The following PHF24 variants were observed in gnomAD, a reference collection of about 807,000 sequenced individuals.
The protein encoded by PHF24 is Galpha inhibitory interacting protein.
A neutral mutation model predicts 42.6 loss-of-function variants in PHF24; 25 were observed. That is an observed-to-expected ratio of 0.59 (90% confidence interval 0.43 to 0.82). PHF24 has a LOEUF of 0.82. Among genes scored for constraint, PHF24 ranks in the 40% least tolerant of loss-of-function variants. The pLI is 0.00. For synonymous variants in PHF24, 185 were observed against 204.8 expected (o/e 0.90, Z 0.83); for missense variants, 470 against 538.1 (o/e 0.87, Z 1.25).
At chr9:34,821,915 C>A in the PHF24 span, among the ~76,000 whole-genome samples, 3 of 152,134 alleles carry the variant, frequency 2.0e-5, no homozygotes, top group Non-Finnish European at 4.4e-5. Context: ...CTTCAATAAA[C>A]CCATATTAAT....
chr9:34,881,460 C>T, the PHF24 span, among the ~76,000 whole-genome samples: 1 of 152,014 alleles, frequency 6.6e-6, no homozygotes, highest in African/African-American at 2.4e-5. Context: ...TGATATACTG[C>T]TAGCAAGACT....
the PHF24 span, among the ~76,000 whole-genome samples, chr9:34,877,522 G>A: frequency 2.0e-5 from 3 of 152,072 alleles, no homozygotes; most frequent in Admixed American, 6.6e-5. Context: ...TTTCTGTTTG[G>A]TATGATGAAA....
At chr9:34,790,297 G>A in the PHF24 span, among the ~76,000 whole-genome samples, 3 of 152,348 alleles carry the variant, frequency 2.0e-5, no homozygotes, top group East Asian at 5.8e-4. Context: ...AGCATTTCTC[G>A]TGTAAGGTTG....
At chr9:34,976,459 G>A (rs1827188283) in intron 4 of PHF24, 76 bp from the exon 5 acceptor site, 1 of 1,498,466 alleles carries the variant, frequency 6.7e-7, no homozygotes, top group South Asian at 1.2e-5. Flanking sequence ...GGGGCCCCGA[G>A]GGTGCCCTGG....
At chr9:34,938,548 T>A in the PHF24 span, among the ~76,000 whole-genome samples, 3 of 152,156 alleles carry the variant, frequency 2.0e-5, no homozygotes, top group African/African-American at 7.2e-5. Flanking sequence ...AAATCATAGC[T>A]CTGACACTTA....
the PHF24 span, among the ~76,000 whole-genome samples, chr9:34,786,461 C>A: frequency 6.6e-6 from 1 of 152,122 alleles, no homozygotes; most frequent in African/African-American, 2.4e-5. Context: ...AACTAGCTAG[C>A]CATGGGGACT....
At chr9:34,780,759 A>G in the PHF24 span, among the ~76,000 whole-genome samples, 6 of 152,204 alleles carry the variant, frequency 3.9e-5, no homozygotes, top group Non-Finnish European at 7.4e-5. Flanking sequence ...CTCAACTACA[A>G]TGGCAAAATA....
the PHF24 span, among the ~76,000 whole-genome samples, chr9:34,814,384 C>G: frequency 2.0e-5 from 3 of 152,184 alleles, no homozygotes; most frequent in Non-Finnish European, 4.4e-5. Context: ...GTCCATTTCT[C>G]AGCGTTATAT....
At chr9:34,704,126 C>T in the PHF24 span, among the ~76,000 whole-genome samples, 1 of 152,098 alleles carries the variant, frequency 6.6e-6, no homozygotes, top group Non-Finnish European at 1.5e-5. Context: ...CCTAGGCAAT[C>T]AAGTGATCCT....
the PHF24 span, among the ~76,000 whole-genome samples, chr9:34,912,760 A>T: frequency 6.6e-6 from 1 of 152,350 alleles, no homozygotes; most frequent in Non-Finnish European, 1.5e-5. Context: ...GAGGACTTAA[A>T]TAGGCCCGGA....
chr9:34,838,514 G>A, the PHF24 span: 2 of 1,329,502 alleles, frequency 1.5e-6, no homozygotes, highest in Non-Finnish European at 2.1e-6. Flanking sequence ...TCATTAGCAT[G>A]AGATCAGCCA....
At chr9:34,731,157 A>C in the PHF24 span, among the ~76,000 whole-genome samples, 7 of 152,268 alleles carry the variant, frequency 4.6e-5, no homozygotes, top group African/African-American at 9.6e-5. Context: ...ATGGGTACAT[A>C]GTAGGTGTAT....
At chr9:34,765,360 C>T in the PHF24 span, among the ~76,000 whole-genome samples, 773 of 149,486 alleles carry the variant, frequency 5.2e-3, 6 homozygotes, top group African/African-American at 0.018. Context: ...TCACTCAGGA[C>T]TTGCTTTATG....
chr9:34,917,696 G>A, the PHF24 span: 23 of 785,970 alleles, frequency 2.9e-5, no homozygotes, highest in African/African-American at 2.4e-4. Flanking sequence ...CTATGGCAGG[G>A]ACATCGTGGA....
the PHF24 span, chr9:34,889,479 A>G: frequency 2.5e-6 from 1 of 398,452 alleles, no homozygotes; most frequent in Non-Finnish European, 4.4e-6. Context: ...ATCTTTGGTG[A>G]CAGTTGGACT....
At chr9:34,772,398 A>T in the PHF24 span, among the ~76,000 whole-genome samples, 3 of 152,220 alleles carry the variant, frequency 2.0e-5, no homozygotes, top group Non-Finnish European at 2.9e-5. Context: ...TGAGAAGAAA[A>T]CTGGAAACAA....
At chr9:34,947,538 G>C in the PHF24 span, among the ~76,000 whole-genome samples, 12 of 152,040 alleles carry the variant, frequency 7.9e-5, no homozygotes, top group African/African-American at 2.4e-4. Flanking sequence ...TTATTTTAGA[G>C]TGCACTCTTT....
the PHF24 span, among the ~76,000 whole-genome samples, chr9:34,948,497 C>A: frequency 6.6e-6 from 1 of 151,984 alleles, no homozygotes; most frequent in African/African-American, 2.4e-5. Context: ...TCTCTTATAC[C>A]ATATTTTTAT....
chr9:34,971,451 C>T (rs749949211), exon 2 of PHF24: 32 of 1,613,992 alleles, frequency 2.0e-5, no homozygotes, highest in African/African-American at 4.0e-5. Flanking sequence ...TAGAGGGCTC[C>T]GTCCAGGAGG....
Sources: allele counts gnomAD v4.1 joint callset (sites outside exome capture counted in the v4.1 genomes callset), GRCh38; gene constraint gnomAD v4.1.1; transcripts MANE v1.5; gene names NCBI Gene and HGNC (gene_info 2026-07-23, HGNC 2026-07-21).